The following SNX29 variants were observed in gnomAD, a reference collection of about 807,000 sequenced individuals.
SNX29 encodes the protein sorting nexin 29, also known as sorting nexin-29.
A neutral mutation model predicts 102.1 loss-of-function variants in SNX29; 78 were observed. That is an observed-to-expected ratio of 0.76 (90% CI 0.64 to 0.92). SNX29 has a LOEUF of 0.92. Among genes scored for constraint, SNX29 ranks in the 40% least tolerant of loss-of-function variants. The pLI is 0.00. For synonymous variants in SNX29, 580 were observed against 414.5 expected, an observed-to-expected ratio of 1.40 and a Z score of -4.85; for missense variants, 1,280 against 1,061.7, an observed-to-expected ratio of 1.21 and a Z score of -2.86.
rs566839533 is a variant in SNX29 at position 12,279,883 on chromosome 16, G to C, written c.1782+1847G>C. ...GCAGGATGAAAGGTTCTGTTCCTCTGGGGGAACAAGGGTGCTGTGGTGAGG... is the reference window on the plus strand; with the variant it reads ...GCAGGATGAAAGGTTCTGTTCCTCTCGGGGAACAAGGGTGCTGTGGTGAGG... On this transcript the variant is annotated intron_variant, in intron 15 of 20. Coordinates refer to ENST00000566228, the MANE Select transcript of SNX29 (RefSeq NM_032167.5). 1.7e-4 allele frequency among the ~76,000 whole-genome samples: 26 copies of C among 152,316 alleles called. 1 individual carries two copies. Among genetic ancestry groups the C allele is most frequent in the Admixed American group, 1.1e-3 (17 of 15,306 alleles).
At chr16:12,474,140 C>G (rs554980277) in intron 18 of SNX29, among the ~76,000 whole-genome samples, 2 of 152,154 alleles carry the variant, frequency 1.3e-5, no homozygotes, top group South Asian at 2.1e-4. Context: ...GTTCAAATTC[C>G]TTATCTCCCC....
chr16:12,202,207 A>G (rs1157732945), intron 14 of SNX29, among the ~76,000 whole-genome samples: 2 of 152,098 alleles, frequency 1.3e-5, no homozygotes, highest in African/African-American at 2.4e-5. Flanking sequence ...AACATTGGCA[A>G]CCTTTAATTT....
At chr16:12,252,727 G>A (rs1388972976) in intron 14 of SNX29, among the ~76,000 whole-genome samples, 5 of 152,120 alleles carry the variant, frequency 3.3e-5, no homozygotes, top group South Asian at 2.1e-4. Flanking sequence ...TGCCTGTTCC[G>A]CTTCCCTGGC....
At chr16:12,192,325 C>T (rs935697623) in intron 13 of SNX29, among the ~76,000 whole-genome samples, 2 of 152,068 alleles carry the variant, frequency 1.3e-5, no homozygotes, top group African/African-American at 4.8e-5. Context: ...ATTGGACAGG[C>T]GAATATTTGA....
chr16:12,056,850 G>A (rs754251957), intron 8 of SNX29, among the ~76,000 whole-genome samples: 1 of 152,014 alleles, frequency 6.6e-6, no homozygotes, highest in East Asian at 1.9e-4. Flanking sequence ...TTTGAGACAG[G>A]TCTTGCTCTG....
chr16:12,293,912 C>T (rs552115071), intron 15 of SNX29, among the ~76,000 whole-genome samples: 2 of 152,256 alleles, frequency 1.3e-5, no homozygotes, highest in South Asian at 2.1e-4. Context: ...TCATGTGATC[C>T]TTATAGCTAC....
intron 13 of SNX29, among the ~76,000 whole-genome samples, chr16:12,156,334 C>T (rs1046317853): frequency 1.3e-5 from 2 of 152,200 alleles, no homozygotes; most frequent in African/African-American, 2.4e-5. Context: ...CCACCACACC[C>T]GGTGAATTTT....
intron 13 of SNX29, among the ~76,000 whole-genome samples, chr16:12,151,189 T>C (rs1226726590): frequency 6.6e-6 from 1 of 152,216 alleles, no homozygotes; most frequent in Non-Finnish European, 1.5e-5. Context: ...TGTTACACTC[T>C]CTGCTTTGTT....
chr16:12,152,520 G>C (rs1422969171), intron 13 of SNX29, among the ~76,000 whole-genome samples: 1 of 152,162 alleles, frequency 6.6e-6, no homozygotes, highest in African/African-American at 2.4e-5. Context: ...CTGTAACCTG[G>C]AACGCGTTGC....
chr16:11,991,653 C>T (rs888389182), intron 1 of SNX29, among the ~76,000 whole-genome samples: 5 of 151,694 alleles, frequency 3.3e-5, no homozygotes, highest in Non-Finnish European at 5.9e-5. Flanking sequence ...AGTGATTCTC[C>T]TGCCTCAGCC....
chr16:12,381,079 T>TGCAC (rs1486338486), intron 16 of SNX29, among the ~76,000 whole-genome samples: 5 of 6,822 alleles, frequency 7.3e-4, no homozygotes, highest in Non-Finnish European at 1.1e-3. Context: ...CTACCATCCA[T>TGCAC]CCACCCACCC....
At chr16:12,324,851 C>G (rs1335093425) in intron 15 of SNX29, among the ~76,000 whole-genome samples, 1 of 152,130 alleles carries the variant, frequency 6.6e-6, no homozygotes, top group Non-Finnish European at 1.5e-5. Context: ...ACACCCACTT[C>G]TGAAGCCCCC....
At chr16:12,557,015 A>ACCCCCCCCCCC (rs11387141) in intron 20 of SNX29, among the ~76,000 whole-genome samples, 1 of 31,830 alleles carries the variant, frequency 3.1e-5, no homozygotes, top group African/African-American at 1.4e-4. Flanking sequence ...TGGCTAATTT[A>ACCCCCCCCCCC]CCCCCCCCCC....
At chr16:11,981,639 GA>G (rs1158319830) in intron 1 of SNX29, among the ~76,000 whole-genome samples, 1 of 152,042 alleles carries the variant, frequency 6.6e-6, no homozygotes, top group African/African-American at 2.4e-5. Context: ...TTTTTGAGTT[GA>G]AAATATTTGA....
intron 18 of SNX29, among the ~76,000 whole-genome samples, chr16:12,431,960 G>A (rs141566790): frequency 3.7e-4 from 56 of 152,346 alleles, no homozygotes; most frequent in African/African-American, 1.3e-3. Context: ...TCTGTGCCCT[G>A]GGGATATACT....
intron 18 of SNX29, among the ~76,000 whole-genome samples, chr16:12,435,558 A>G (rs577255394): frequency 3.0e-4 from 45 of 152,334 alleles, no homozygotes; most frequent in African/African-American, 1.1e-3. Context: ...CTCTTGGGAC[A>G]TAGCTGTTTC....
chr16:12,199,437 A>C (rs1596486957), intron 13 of SNX29, among the ~76,000 whole-genome samples, 164 bp from the exon 14 acceptor site: 3 of 152,342 alleles, frequency 2.0e-5, no homozygotes, highest in Non-Finnish European at 1.5e-5. Flanking sequence ...AGGTAACACA[A>C]CCATCTCCCG....
chr16:12,284,494 C>G (rs2079531704), intron 15 of SNX29, among the ~76,000 whole-genome samples: 1 of 152,238 alleles, frequency 6.6e-6, no homozygotes. Flanking sequence ...GACAGTATGT[C>G]CAAATGCTTT....
rs192392151 is a variant in SNX29 at position 12,061,583 on chromosome 16, G to A, written c.1180G>A (p.Val394Met). The change falls in exon 9 of 21, where the codon GTG becomes ATG. Residue 394 changes from valine (V) to methionine (M), a missense_variant. Coordinates refer to ENST00000566228, the MANE Select transcript of SNX29 (RefSeq NM_032167.5). ...GATGCACAGCTGGGCTCCGCTGAAGGTGCTGCACAATGACTCCGACATCCT... is the reference window on the plus strand; with the variant it reads ...GATGCACAGCTGGGCTCCGCTGAAGATGCTGCACAATGACTCCGACATCCT... The part of the protein sequence containing the change: ...SQMHSWAPLK[V>M]LHNDSDILFP... 8 of 1,611,840 alleles carry A rather than the reference G, an allele frequency of 5.0e-6. No homozygotes were observed. The highest frequency in any genetic ancestry group is 4.0e-5 in the African/African-American group (3 of 75,020).
Sources: gnomAD v4.1 joint callset for allele counts (sites outside exome capture counted in the v4.1 genomes callset) on GRCh38, gnomAD v4.1.1 for gene constraint, MANE v1.5 for transcripts, NCBI Gene and HGNC (gene_info 2026-07-23, HGNC 2026-07-21) for gene names.